Variants in HAPLN1 observed in about 807,000 individuals in gnomAD.
The protein encoded by HAPLN1 is hyaluronan and proteoglycan link protein 1.
HAPLN1 carries 13 observed loss-of-function variants against 36.5 expected under a neutral mutation model. The observed-to-expected ratio is 0.36, with a 90% CI of 0.23 to 0.57. The LOEUF (loss-of-function observed/expected upper bound fraction) is 0.57, where lower values mean the gene tolerates loss of function less well. Ranked by LOEUF, HAPLN1 falls within the 20% of genes least tolerant of loss-of-function variation. The pLI is 0.83. For synonymous variants in HAPLN1, 202 were observed against 169.8 expected (o/e 1.19, Z -1.48); for missense variants, 407 against 439.7 (o/e 0.93, Z 0.66).
At chr5:83,680,298 GCA>G (rs1561314748) in intron 1 of HAPLN1, among the ~76,000 whole-genome samples, 1 of 146,542 alleles carries the variant, frequency 6.8e-6, no homozygotes, top group African/African-American at 2.7e-5. Flanking sequence ...CTGAGCAAAA[GCA>G]CATGTCATAT....
intron 1 of HAPLN1, among the ~76,000 whole-genome samples, chr5:83,689,478 C>G (rs188355594): frequency 9.9e-4 from 151 of 151,916 alleles, no homozygotes; most frequent in Non-Finnish European, 1.8e-3. Flanking sequence ...TTTTTTCACT[C>G]CCCAGACAAG....
At chr5:83,691,222 T>C (rs1190271199) in intron 1 of HAPLN1, among the ~76,000 whole-genome samples, 1 of 152,044 alleles carries the variant, frequency 6.6e-6, no homozygotes, top group Non-Finnish European at 1.5e-5. Context: ...CCAAGAGTTC[T>C]GAAAATTGAC....
intron 2 of HAPLN1, among the ~76,000 whole-genome samples, chr5:83,654,033 A>T (rs73133814): frequency 0.014 from 2,162 of 152,328 alleles, 50 homozygotes; most frequent in African/African-American, 0.05. Flanking sequence ...GCCATGAATC[A>T]TTTAAGATGT....
rs563147696 is a variant in HAPLN1 at position 83,640,254 on chromosome 5, C to T, written c.*1242G>A. ...TAATGTGGAAAATTGTGTTTGGAAGCTGGACTTAACCTTTTATTTAAAGCC... is the reference window on the plus strand; with the variant it reads ...TAATGTGGAAAATTGTGTTTGGAAGTTGGACTTAACCTTTTATTTAAAGCC... On this transcript the variant is annotated 3_prime_UTR_variant, in exon 5 of 5. Coordinates refer to ENST00000274341, the MANE Select transcript of HAPLN1 (RefSeq NM_001884.4). The T allele has an allele frequency of 1.3e-5, 2 of 152,102 alleles. No homozygotes were observed. The highest frequency in any genetic ancestry group is 3.9e-4 in the East Asian group (2 of 5,194). The allele number at this position is 152,102 out of a possible 1,614,324, so 9.4% of individuals were successfully genotyped here. A position where few individuals can be genotyped will look rare whatever the true frequency, so the allele number is the denominator to read the frequency against.
chr5:83,705,797 GA>G (rs1185543198), intron 1 of HAPLN1, among the ~76,000 whole-genome samples: 1 of 151,794 alleles, frequency 6.6e-6, no homozygotes, highest in Non-Finnish European at 1.5e-5. Flanking sequence ...TTGGTTTTTT[GA>G]AAAAATTAAT....
intron 3 of HAPLN1, among the ~76,000 whole-genome samples, chr5:83,650,115 G>GT (rs202098367): frequency 6.6e-6 from 1 of 152,110 alleles, no homozygotes; most frequent in Non-Finnish European, 1.5e-5. Context: ...GAATGCTCCT[G>GT]TTTTTTTAAA....
intron 1 of HAPLN1, among the ~76,000 whole-genome samples, chr5:83,677,795 C>CA (rs1750892725): frequency 6.6e-6 from 1 of 152,194 alleles, no homozygotes; most frequent in Non-Finnish European, 1.5e-5. Context: ...AGGACTGCCT[C>CA]AAACTTGATT....
intron 1 of HAPLN1, among the ~76,000 whole-genome samples, chr5:83,713,705 T>C (rs1316352643): frequency 6.6e-6 from 1 of 152,164 alleles, no homozygotes; most frequent in Non-Finnish European, 1.5e-5. Context: ...ACTTCTATTC[T>C]TCCTATATTC....
chr5:83,664,766 T>G (rs1750509173), intron 2 of HAPLN1, among the ~76,000 whole-genome samples: 1 of 152,212 alleles, frequency 6.6e-6, no homozygotes, highest in African/African-American at 2.4e-5. Flanking sequence ...AATAATGAGT[T>G]ATAAGAAAAA....
intron 2 of HAPLN1, among the ~76,000 whole-genome samples, chr5:83,664,772 A>G (rs755870874): frequency 7.2e-5 from 11 of 152,222 alleles, no homozygotes; most frequent in Non-Finnish European, 1.3e-4. Flanking sequence ...GAGTTATAAG[A>G]AAAAAGGCCG....
intron 1 of HAPLN1, among the ~76,000 whole-genome samples, chr5:83,717,564 A>G (rs1751941645): frequency 6.6e-6 from 1 of 152,226 alleles, no homozygotes; most frequent in South Asian, 2.1e-4. Flanking sequence ...TCACTGTTGC[A>G]ATTGTCACAT....
At chr5:83,661,676 C>T (rs1399983353) in intron 2 of HAPLN1, among the ~76,000 whole-genome samples, 1 of 152,088 alleles carries the variant, frequency 6.6e-6, no homozygotes, top group Non-Finnish European at 1.5e-5. Flanking sequence ...GATCCCTGAC[C>T]TCGTGATCCG....
intron 2 of HAPLN1, among the ~76,000 whole-genome samples, chr5:83,653,966 C>T (rs1355167544): frequency 2.6e-5 from 4 of 152,244 alleles, no homozygotes; most frequent in Non-Finnish European, 5.9e-5. Flanking sequence ...CAAAGCTGCC[C>T]TTCACACAAC....
chr5:83,658,576 G>A lies in HAPLN1; in HGVS notation c.101-5752C>T, dbSNP rs1351726281. On this transcript the variant is annotated intron_variant, in intron 2 of 4. Transcript: ENST00000274341. ...CTCGTACTTTACACATTACATTTGAGTAGGACACAAAATTTAGAAAATAAA... is the reference window on the plus strand; with the variant it reads ...CTCGTACTTTACACATTACATTTGAATAGGACACAAAATTTAGAAAATAAA... Among the ~76,000 whole-genome samples the A allele has an allele frequency of 2.6e-5, 4 of 152,284 alleles. No homozygotes were observed. The East Asian group carries it at 7.7e-4, about 29-fold the overall frequency.
Position 83,640,683 on chromosome 5 carries a change from C to A in HAPLN1, c.*813G>T, listed in dbSNP as rs539474986. 1 of 152,250 alleles carries A rather than the reference C, an allele frequency of 6.6e-6. No homozygotes were observed. The highest frequency in any genetic ancestry group is 2.4e-5 in the African/African-American group (1 of 41,556). The allele number at this position is 152,250 out of a possible 1,614,324, so 9.4% of individuals were successfully genotyped here. A position where few individuals can be genotyped will look rare whatever the true frequency, so the allele number is the denominator to read the frequency against. ...TCTATATAACTGCCCTGAGTAGATG[C>A]TAAATGCTGCTTAGCAAATGGCCCT... On this transcript the variant is annotated 3_prime_UTR_variant, in exon 5 of 5. Transcript: ENST00000274341.
chr5:83,658,232 T>C (rs1750277410), intron 2 of HAPLN1, among the ~76,000 whole-genome samples: 1 of 152,188 alleles, frequency 6.6e-6, no homozygotes, highest in South Asian at 2.1e-4. Flanking sequence ...TTCCTTAGGG[T>C]AGCCAAAGCC....
At chr5:83,662,388 A>G (rs1255500004) in intron 2 of HAPLN1, among the ~76,000 whole-genome samples, 1 of 152,224 alleles carries the variant, frequency 6.6e-6, no homozygotes, top group African/African-American at 2.4e-5. Flanking sequence ...ATCTTTGTCA[A>G]CTTAGAGTTG....
chr5:83,670,321 A>T (rs1454759660), intron 2 of HAPLN1, among the ~76,000 whole-genome samples: 3 of 152,184 alleles, frequency 2.0e-5, no homozygotes, highest in African/African-American at 7.2e-5. Flanking sequence ...AACAAAATCC[A>T]TTAGTTTAGT....
intron 3 of HAPLN1, among the ~76,000 whole-genome samples, chr5:83,648,689 G>A (rs973844808): frequency 6.6e-6 from 1 of 151,932 alleles, no homozygotes; most frequent in African/African-American, 2.4e-5. Context: ...AAAATGAGAT[G>A]CTTCCCTGGC....
Sources: gnomAD v4.1 joint callset for allele counts (sites outside exome capture counted in the v4.1 genomes callset) on GRCh38, gnomAD v4.1.1 for gene constraint, MANE v1.5 for transcripts, NCBI Gene and HGNC (gene_info 2026-07-23, HGNC 2026-07-21) for gene names.